Variants in PABPC4 observed in about 807,000 individuals in gnomAD.
PABPC4 encodes the protein poly(A) binding protein cytoplasmic 4.
A neutral mutation model predicts 74.5 loss-of-function variants in PABPC4; 15 were observed. The observed-to-expected ratio is 0.20, with a 90% CI of 0.13 to 0.31. The LOEUF is 0.31. Ranked by LOEUF, PABPC4 falls within the 10% of genes least tolerant of loss-of-function variation. The pLI is 1.00. For missense variants in PABPC4, 610 were observed against 853.5 expected, an observed-to-expected ratio of 0.71 and a Z score of 3.55; for synonymous variants, 345 against 303.0, an observed-to-expected ratio of 1.14 and a Z score of -1.44.
intron 1 of PABPC4, 135 bp downstream of exon 1, chr1:39,575,624 C>T: frequency 1.5e-6 from 1 of 662,252 alleles, no homozygotes; most frequent in East Asian, 3.2e-5. Context: ...CGTTCTCAAT[C>T]TCCGCACCCT....
rs1274179006 is a variant in PABPC4 at position 39,567,851 on chromosome 1, AGG to A, written c.877-7_877-6del. On this transcript the variant is annotated splice_region_variant and splice_polypyrimidine_tract_variant and intron_variant, in intron 6 of 15. Transcript: ENST00000372858. ...CTTAATGTAGAGATTCACCCCCTGA[AGG>A]AAAAAGATCACTGTTAACTACACTT... is the stretch of plus-strand genomic sequence containing the variant. 6.6e-7 allele frequency: 1 copy of A among 1,512,264 alleles called. No homozygotes were observed. Among genetic ancestry groups the A allele is most frequent in the Non-Finnish European group, 9.2e-7 (1 of 1,088,066 alleles). 93.7% of individuals were successfully genotyped at this position (1,512,264 alleles called of 1,614,324 possible). A position where few individuals can be genotyped will look rare whatever the true frequency, so the allele number is the denominator to read the frequency against.
intron 1 of PABPC4, among the ~76,000 whole-genome samples, chr1:39,574,776 A>G (rs1350089519): frequency 6.6e-6 from 1 of 152,254 alleles, no homozygotes; most frequent in Non-Finnish European, 1.5e-5. Flanking sequence ...TGTTTCTCCC[A>G]GTAATGATCT....
chr1:39,570,277 T>C (rs1645919961), intron 3 of PABPC4, among the ~76,000 whole-genome samples: 1 of 152,240 alleles, frequency 6.6e-6, no homozygotes, highest in African/African-American at 2.4e-5. Flanking sequence ...GCCATGTTTT[T>C]AAAATGTTCA....
At chr1:39,574,830 ATCAGGTT>A (rs919355163) in intron 1 of PABPC4, among the ~76,000 whole-genome samples, 6 of 152,174 alleles carry the variant, frequency 3.9e-5, no homozygotes, top group African/African-American at 1.4e-4. Context: ...GCAGCCTCTG[ATCAGGTT>A]TCCTCTGGCC....
At chr1:39,572,639 GC>G in intron 1 of PABPC4, 53 bp from the exon 2 acceptor site, 1 of 1,393,940 alleles carries the variant, frequency 7.2e-7, no homozygotes, top group Non-Finnish European at 1.0e-6. Flanking sequence ...GCTCCCACAG[GC>G]CAACAGCCTA....
chr1:39,569,534 C>T, intron 5 of PABPC4, 61 bp downstream of exon 5: 3 of 1,197,022 alleles, frequency 2.5e-6, no homozygotes, highest in South Asian at 2.4e-5. Context: ...GCTAGCAAGA[C>T]CCTACCCATA....
chr1:39,563,106 C>G (rs1271697364), intron 12 of PABPC4: 1 of 155,656 alleles, frequency 6.4e-6, no homozygotes, highest in African/African-American at 2.4e-5. Flanking sequence ...CTATTAGGCT[C>G]TGAAACAAAC....
rs958700453 is a variant in PABPC4 at position 39,565,433 on chromosome 1, G to A, written c.973-55C>T. The A allele has an allele frequency of 4.5e-6, 7 of 1,546,558 alleles. No homozygotes were observed. In the African/African-American group the frequency reaches 6.8e-5, roughly 15 times the overall value. ...TAAGGTGTCCCTGGCTGGGTGTGATGGCTTGTGCCTGTAATCCCAGCACTT... is the reference window on the plus strand; with the variant it reads ...TAAGGTGTCCCTGGCTGGGTGTGATAGCTTGTGCCTGTAATCCCAGCACTT... On this transcript the variant is annotated intron_variant, in intron 7 of 15. Coordinates refer to ENST00000372858, the MANE Select transcript of PABPC4 (RefSeq NM_001135653.2).
Position 39,563,685 on chromosome 1 carries a change from G to GAGCAGCAGCAGC in PABPC4, c.1585_1596dup (p.Ala529_Ala532dup). The GAGCAGCAGCAGC allele has an allele frequency of 4.3e-6, 7 of 1,614,274 alleles. No individual in the cohort carries two copies. Among genetic ancestry groups the GAGCAGCAGCAGC allele is most frequent in the Middle Eastern group, 1.6e-4 (1 of 6,062 alleles). ...TATTTGTAGGGGGCAACAGCCCGGG[G>GAGCAGCAGCAGC]AGCAGCAGCAGCAACAGCAGCGCGT... On this transcript the variant is annotated inframe_insertion, in exon 12 of 16. Coordinates refer to ENST00000372858, the MANE Select transcript of PABPC4 (RefSeq NM_001135653.2).
chr1:39,576,083 C>T lies in PABPC4; in HGVS notation c.-132G>A. On this transcript the variant is annotated 5_prime_UTR_variant, in exon 1 of 16. Coordinates refer to ENST00000372858, the MANE Select transcript of PABPC4 (RefSeq NM_001135653.2). ...GTGGCACCGGCGCGGCGAGGACGAG[C>T]TGGAGTCGGCGGGCTTGGAGACGGG... The T allele has an allele frequency of 1.6e-6, 1 of 609,502 alleles. No homozygotes were observed. Among genetic ancestry groups the T allele is most frequent in the Non-Finnish European group, 2.7e-6 (1 of 371,616 alleles). The allele number at this position is 609,502 out of a possible 1,614,324, so 37.8% of individuals were successfully genotyped here.
At position 39,573,727 on chromosome 1, in the gene PABPC4, G is replaced by A. The variant is rs1014874629; in HGVS notation, c.194-1141C>T. On this transcript the variant is annotated intron_variant, in intron 1 of 15. Transcript: ENST00000372858. ...CCAGCTACTCAGGAGACTGAGGCAG[G>A]AAAATTGTTTGGACCCAGGAGTCAG... Among the ~76,000 whole-genome samples, 11 of 152,324 alleles carry A rather than the reference G, an allele frequency of 7.2e-5. No individual in the cohort carries two copies. The South Asian group carries it at 1.0e-3, about 14-fold the overall frequency.
chr1:39,571,809 GCTACAATGAGCTATTA>G (rs1645945306), intron 2 of PABPC4: 1 of 339,708 alleles, frequency 2.9e-6, no homozygotes, highest in African/African-American at 2.1e-5. Context: ...GGAGGTCGAA[GCTACAATGAGCTATTA>G]CTAGACCACT....
chr1:39,569,800 T>C lies in PABPC4; in HGVS notation c.643+63A>G, dbSNP rs1041092562. 13 of 1,598,354 alleles carry C rather than the reference T, an allele frequency of 8.1e-6. No homozygotes were observed. In the African/African-American group the frequency reaches 1.1e-4, roughly 13 times the overall value. ...GCAAATCTCTGGAGCAGTGCCCTCATCTCTTAAGAAAAAACAGATGGGTCT... is the reference window on the plus strand; with the variant it reads ...GCAAATCTCTGGAGCAGTGCCCTCACCTCTTAAGAAAAAACAGATGGGTCT... On this transcript the variant is annotated intron_variant, in intron 4 of 15. Coordinates refer to ENST00000372858, the MANE Select transcript of PABPC4 (RefSeq NM_001135653.2).
intron 1 of PABPC4, among the ~76,000 whole-genome samples, chr1:39,575,383 TC>T (rs1236307952): frequency 2.0e-5 from 3 of 152,244 alleles, no homozygotes; most frequent in Non-Finnish European, 4.4e-5. Flanking sequence ...GTTTCAAACG[TC>T]CCGCCTTTTT....
chr1:39,569,060 T>C, intron 5 of PABPC4, 121 bp from the exon 6 acceptor site: 1 of 1,033,140 alleles, frequency 9.7e-7, no homozygotes. Flanking sequence ...ACTCCACCTC[T>C]GAAGTCTGTC....
chr1:39,564,431 T>C lies in PABPC4; in HGVS notation c.1445A>G (p.Gln482Arg). 6.2e-7 allele frequency: 1 copy of C among 1,613,840 alleles called. No homozygotes were observed. The highest frequency in any genetic ancestry group is 8.5e-7 in the Non-Finnish European group (1 of 1,179,986). The change falls in exon 10 of 16, where the codon CAG becomes CGG. Residue 482 changes from glutamine to arginine, a missense_variant. Physicochemically the swap from Gln to Arg is conservative, Grantham distance 43. Transcript: ENST00000372858. Reference sequence around the variant, plus strand: ...AAGGCCAGTTTGCTCACCGACTCTCTGAGTGGTAGTAGGGAGGCCACGAGA... The same window carrying C: ...AAGGCCAGTTTGCTCACCGACTCTCCGAGTGGTAGTAGGGAGGCCACGAGA... ...PASRGLPTTT[Q>R]RVGSECPDRL...
In PABPC4 at chr1:39,570,128, A is replaced by G. The variant is rs1205333677; in HGVS notation, c.504-126T>C. On this transcript the variant is annotated intron_variant, in intron 3 of 15. Transcript: ENST00000372858. ...AACACGAGATCCCCATCCACCACCAAGGAGGCTCAGAGATACCCCAAGTCC... is the reference window on the plus strand; with the variant it reads ...AACACGAGATCCCCATCCACCACCAGGGAGGCTCAGAGATACCCCAAGTCC... 3.2e-6 allele frequency: 3 copies of G among 927,978 alleles called. No individual in the cohort carries two copies. In the East Asian group the frequency reaches 7.4e-5, roughly 23 times the overall value. 57.5% of individuals were successfully genotyped at this position (927,978 alleles called of 1,614,324 possible).
chr1:39,566,234 C>G (rs532472223), intron 7 of PABPC4, among the ~76,000 whole-genome samples: 174 of 152,312 alleles, frequency 1.1e-3, no homozygotes, highest in African/African-American at 4.0e-3. Context: ...ATCTCATATG[C>G]TTCAAGACCT....
rs772707417 is a variant in PABPC4 at position 39,564,726 on chromosome 1, C to T, written c.1293G>A (p.Met431Ile). 2 of 1,614,040 alleles carry T rather than the reference C, an allele frequency of 1.2e-6. No homozygotes were observed. Among genetic ancestry groups the T allele is most frequent in the African/African-American group, 1.3e-5 (1 of 74,920 alleles). ...PYYTPNQLAQ[M>I]RPNPRWQQGG... ...CTTGCTGCCAGCGTGGATTAGGCCT[C>T]ATCTGTGCTAACTGGTTAGGTGTAT... The change falls in exon 9 of 16, where the codon ATG becomes ATA. Residue 431 changes from methionine (M) to isoleucine (I), a missense_variant. By Grantham distance (10) the Met-to-Ile change is conservative. Coordinates refer to ENST00000372858, the MANE Select transcript of PABPC4 (RefSeq NM_001135653.2).
Sources: gnomAD v4.1 joint callset for allele counts (sites outside exome capture counted in the v4.1 genomes callset) on GRCh38, gnomAD v4.1.1 for gene constraint, MANE v1.5 for transcripts, NCBI Gene and HGNC (gene_info 2026-07-23, HGNC 2026-07-21) for gene names.